The following IRAG1 variants were observed in gnomAD, a reference collection of about 807,000 sequenced individuals.
The protein encoded by IRAG1 is inositol 1,4,5-triphosphate receptor associated 1.
Under a neutral mutation model 106.2 loss-of-function variants are expected in IRAG1, and 62 were observed. The ratio of observed to expected loss-of-function variants is 0.58; its 90% CI spans 0.48 to 0.72. The LOEUF is 0.72. IRAG1 is among the 30% of genes least tolerant of loss of function. The pLI is 0.00. For synonymous variants in IRAG1, 462 were observed against 443.9 expected, an observed-to-expected ratio of 1.04 and a Z score of -0.51; for missense variants, 1,064 against 1,140.7, an observed-to-expected ratio of 0.93 and a Z score of 0.97.
At position 10,631,998 on chromosome 11, in the gene IRAG1, T is replaced by C. The variant is rs780788533; in HGVS notation, c.393A>G (p.Thr131=). Residue 131 remains threonine, a synonymous_variant, in exon 4 of 21, where the codon ACA becomes ACG. Coordinates refer to ENST00000423302, the MANE Select transcript of IRAG1 (RefSeq NM_130385.4). ...GATTGCCCTGGTCCTTACCCACAGA[T>C]GTCAGGGAGGCAGTGGACACCTTCA... ...RHLKVSTASL[T]SVDPAGHIID... 11 of 1,613,632 alleles carry C rather than the reference T, an allele frequency of 6.8e-6. No homozygotes were observed. Among genetic ancestry groups the C allele is most frequent in the South Asian group, 1.1e-5 (1 of 91,078 alleles).
chr11:10,690,473 G>C, intron 1 of IRAG1: 7 of 1,245,030 alleles, frequency 5.6e-6, no homozygotes, highest in Non-Finnish European at 7.2e-6. Flanking sequence ...CAGGGTCATG[G>C]GCGTGAGTTA....
intron 12 of IRAG1, among the ~76,000 whole-genome samples, chr11:10,605,411 C>G (rs1000179507): frequency 6.6e-6 from 1 of 152,124 alleles, no homozygotes; most frequent in Non-Finnish European, 1.5e-5. Flanking sequence ...CAGAATTGAC[C>G]CAATGATGAT....
chr11:10,631,373 T>C (rs148892554), intron 4 of IRAG1, among the ~76,000 whole-genome samples: 2,731 of 152,260 alleles, frequency 0.018, 38 homozygotes, highest in Non-Finnish European at 0.026. Context: ...TGTCCAGCTC[T>C]CTAAGGCACA....
intron 1 of IRAG1, among the ~76,000 whole-genome samples, chr11:10,661,445 C>T (rs1056069615): frequency 1.3e-5 from 2 of 151,908 alleles, no homozygotes; most frequent in Admixed American, 6.5e-5. Context: ...TGCACAAATT[C>T]ATTATCTTAC....
chr11:10,593,579 G>A lies in IRAG1; in HGVS notation c.2088C>T (p.Val696=), dbSNP rs190994255. 2 of 1,613,740 alleles carry A rather than the reference G, an allele frequency of 1.2e-6. No individual in the cohort carries two copies. Among genetic ancestry groups the A allele is most frequent in the Non-Finnish European group, 8.5e-7 (1 of 1,179,710 alleles). The change falls in exon 17 of 21, where the codon GTC becomes GTT. Residue 696 remains valine (V), a synonymous_variant. Coordinates refer to ENST00000423302, the MANE Select transcript of IRAG1 (RefSeq NM_130385.4). ...TAAACTTAGGAACCACAGCAACGCT[G>A]ACCCTCCGGCGAGGCATATTCTGCA... The part of the protein sequence containing the change: ...TLGKNMPRRR[V]SVAVVPKFNA...
chr11:10,692,123 C>T (rs1426152925), intron 1 of IRAG1, among the ~76,000 whole-genome samples: 1 of 152,028 alleles, frequency 6.6e-6, no homozygotes, highest in African/African-American at 2.4e-5. Flanking sequence ...TACAGGAATG[C>T]CTCCCTTACC....
chr11:10,588,932 TG>T (rs1258183027), intron 18 of IRAG1: 5 of 152,330 alleles, frequency 3.3e-5, no homozygotes, highest in African/African-American at 1.2e-4. Flanking sequence ...CATTTCTACT[TG>T]TGGAACTGCT....
chr11:10,602,334 T>A (rs1303407253), intron 14 of IRAG1, among the ~76,000 whole-genome samples: 1 of 152,230 alleles, frequency 6.6e-6, no homozygotes, highest in Non-Finnish European at 1.5e-5. Context: ...ATCCAAATGC[T>A]TTACAAGTAC....
At chr11:10,629,986 A>G in intron 4 of IRAG1, 1 of 396,390 alleles carries the variant, frequency 2.5e-6, no homozygotes, top group Non-Finnish European at 4.5e-6. Flanking sequence ...CAGGAAGGGA[A>G]GGCCACCCAG....
chr11:10,624,567 C>T (rs1856086420), intron 9 of IRAG1, among the ~76,000 whole-genome samples: 1 of 152,068 alleles, frequency 6.6e-6, no homozygotes, highest in African/African-American at 2.4e-5. Flanking sequence ...ACTTATGGAT[C>T]TTCAGTCTGC....
intron 14 of IRAG1, among the ~76,000 whole-genome samples, chr11:10,601,537 G>C (rs1854011879): frequency 6.6e-6 from 1 of 152,172 alleles, no homozygotes; most frequent in Non-Finnish European, 1.5e-5. Context: ...AAATTATGCT[G>C]GGACAATCGA....
intron 1 of IRAG1, among the ~76,000 whole-genome samples, chr11:10,662,298 C>A (rs1307866167): frequency 6.6e-6 from 1 of 152,112 alleles, no homozygotes; most frequent in Non-Finnish European, 1.5e-5. Context: ...AGTGGGTGGC[C>A]TTGCCTGCCC....
intron 2 of IRAG1, among the ~76,000 whole-genome samples, chr11:10,645,224 T>C (rs1857850919): frequency 1.3e-5 from 2 of 152,224 alleles, no homozygotes; most frequent in Non-Finnish European, 2.9e-5. Context: ...TGTATGTGAA[T>C]AATCATCCCT....
In IRAG1 at chr11:10,626,540, C is replaced by T. The variant is rs1484289212; in HGVS notation, c.794G>A (p.Arg265Lys). 1.2e-6 allele frequency: 2 copies of T among 1,612,632 alleles called. No homozygotes were observed. Among genetic ancestry groups the T allele is most frequent in the African/African-American group, 1.3e-5 (1 of 74,970 alleles). The change falls in exon 9 of 21, where the codon AGG becomes AAG. Residue 265 changes from arginine (R) to lysine (K), a missense_variant. Arg to Lys is a conservative substitution (Grantham distance 26). Coordinates refer to ENST00000423302, the MANE Select transcript of IRAG1 (RefSeq NM_130385.4). ...GLADRKQNDQRKVSQGRLAPR... is the reference protein window; with the variant it reads ...GLADRKQNDQKKVSQGRLAPR... ...AGCCAGCCTGCCCTGAGACACTTTCCTCTGGTCATTCTGCTTCCTGTCAGC... is the reference window on the plus strand; with the variant it reads ...AGCCAGCCTGCCCTGAGACACTTTCTTCTGGTCATTCTGCTTCCTGTCAGC...
At chr11:10,636,265 C>T (rs1294661985) in intron 2 of IRAG1, among the ~76,000 whole-genome samples, 2 of 152,174 alleles carry the variant, frequency 1.3e-5, no homozygotes, top group Non-Finnish European at 2.9e-5. Context: ...GCCTCTGCCT[C>T]CTGGGCTCAA....
At chr11:10,616,972 A>G (rs964325615) in intron 10 of IRAG1, 133 of 960,444 alleles carry the variant, frequency 1.4e-4, no homozygotes, top group Non-Finnish European at 1.6e-4. Context: ...GGAGCTCTGA[A>G]AGATGCTCTG....
intron 18 of IRAG1, 145 bp from the exon 19 acceptor site, chr11:10,582,131 T>C: frequency 9.6e-7 from 1 of 1,045,006 alleles, no homozygotes; most frequent in Non-Finnish European, 1.3e-6. Flanking sequence ...CCAATCCTTC[T>C]ACCCTGAGAC....
intron 1 of IRAG1, among the ~76,000 whole-genome samples, chr11:10,678,548 A>G (rs750347890): frequency 6.6e-6 from 1 of 152,228 alleles, no homozygotes; most frequent in Non-Finnish European, 1.5e-5. Flanking sequence ...GCAAGGTCAC[A>G]CAGCCATTAG....
At chr11:10,658,714 TC>T in intron 1 of IRAG1, 1 of 189,138 alleles carries the variant, frequency 5.3e-6, no homozygotes, top group Admixed American at 7.1e-5. Context: ...CTGTGGTCAG[TC>T]CCAGGTCAGT....
Sources: allele counts gnomAD v4.1 joint callset (sites outside exome capture counted in the v4.1 genomes callset), GRCh38; gene constraint gnomAD v4.1.1; transcripts MANE v1.5; gene names NCBI Gene and HGNC (gene_info 2026-07-23, HGNC 2026-07-21).